The following CLEC16A variants were observed in gnomAD, a reference collection of about 807,000 sequenced individuals.
CLEC16A encodes the protein C-type lectin domain containing 16A.
CLEC16A carries 51 observed loss-of-function variants against 109.5 expected under a neutral mutation model. The ratio of observed to expected loss-of-function variants is 0.47; its 90% CI spans 0.37 to 0.59. The LOEUF is 0.59. CLEC16A is among the 20% of genes least tolerant of loss of function. CLEC16A has a pLI of 0.00. For missense variants in CLEC16A, 1,339 were observed against 1,394.0 expected, an observed-to-expected ratio of 0.96 and a Z score of 0.63; for synonymous variants, 673 against 564.2, an observed-to-expected ratio of 1.19 and a Z score of -2.73.
At chr16:11,059,602 A>G (rs949408199) in intron 18 of CLEC16A, among the ~76,000 whole-genome samples, 2 of 152,112 alleles carry the variant, frequency 1.3e-5, no homozygotes, top group Non-Finnish European at 2.9e-5. Context: ...TGGGAGGCAC[A>G]CTGCTGTATA....
At chr16:10,990,011 T>A (rs1415586716) in intron 10 of CLEC16A, among the ~76,000 whole-genome samples, 1 of 152,174 alleles carries the variant, frequency 6.6e-6, no homozygotes, top group East Asian at 1.9e-4. Context: ...GTACTCATGA[T>A]CCCCCAGCTA....
At chr16:10,982,058 C>T (rs2043350597) in intron 9 of CLEC16A, among the ~76,000 whole-genome samples, 1 of 152,250 alleles carries the variant, frequency 6.6e-6, no homozygotes, top group African/African-American at 2.4e-5. Context: ...CAAATACAAA[C>T]ATGCACACGC....
At chr16:11,121,218 A>G (rs1467387286) in intron 20 of CLEC16A, among the ~76,000 whole-genome samples, 1 of 152,240 alleles carries the variant, frequency 6.6e-6, no homozygotes, top group Non-Finnish European at 1.5e-5. Flanking sequence ...ACATTAGTAC[A>G]CGCAGACTTC....
chr16:11,150,411 G>A (rs2054247601), intron 22 of CLEC16A: 1 of 152,252 alleles, frequency 6.6e-6, no homozygotes, highest in African/African-American at 2.4e-5. Context: ...CGGCTGCATA[G>A]TATTCCAAAG....
At chr16:11,077,847 G>A (rs1486517820) in intron 19 of CLEC16A, among the ~76,000 whole-genome samples, 4 of 151,856 alleles carry the variant, frequency 2.6e-5, no homozygotes, top group African/African-American at 7.3e-5. Context: ...GGCTAGGCGC[G>A]GTGGCTCATG....
At chr16:11,046,311 A>G (rs1033149885) in intron 16 of CLEC16A, among the ~76,000 whole-genome samples, 1 of 152,200 alleles carries the variant, frequency 6.6e-6, no homozygotes, top group Non-Finnish European at 1.5e-5. Context: ...AACATTTATT[A>G]TACCCTAAGT....
At chr16:10,977,763 C>G (rs1369539793) in intron 8 of CLEC16A, among the ~76,000 whole-genome samples, 1 of 152,144 alleles carries the variant, frequency 6.6e-6, no homozygotes, top group East Asian at 1.9e-4. Flanking sequence ...GGTGATACAC[C>G]TGCCTGGGCC....
Position 11,003,215 on chromosome 16 carries a change from G to C in CLEC16A, c.1213G>C (p.Gly405Arg). 1 of 1,613,568 alleles carries C rather than the reference G, an allele frequency of 6.2e-7. No homozygotes were observed. Residue 405 changes from glycine (G) to arginine (R), a missense_variant, in exon 11 of 24, where the codon GGG becomes CGG. This residue lies in a region of CLEC16A where 1,061 missense variants were observed against 1,006.8 expected (regional missense o/e 1.05). Coordinates refer to ENST00000409790, the MANE Select transcript of CLEC16A (RefSeq NM_015226.3). ...TGGGGAAGAAGAAGATGAGGAGAAA[G>C]GGCCCACCGAGGATGCCCAAGAAGA... ...NVGEEEDEEK[G>R]PTEDAQEDAE... is the part of the protein sequence containing the mutation.
In CLEC16A at chr16:11,174,751, G is replaced by A. The variant is rs1293617199; in HGVS notation, c.2807-3584G>A. On this transcript the variant is annotated intron_variant, in intron 23 of 23. Coordinates refer to ENST00000409790, the MANE Select transcript of CLEC16A (RefSeq NM_015226.3). This position sits in a 1 kb window ranked among gnomAD's most constrained non-coding sequence, Gnocchi z 4.7. ...TTTTTTCCTTTCTTCCCCTAGTCTTGATCTAAGATAAGTGGCAAATTCAGT... is the reference window on the plus strand; with the variant it reads ...TTTTTTCCTTTCTTCCCCTAGTCTTAATCTAAGATAAGTGGCAAATTCAGT... Among the ~76,000 whole-genome samples, 1 of 152,216 alleles carries A rather than the reference G, an allele frequency of 6.6e-6. No individual in the cohort carries two copies. The highest frequency in any genetic ancestry group is 1.5e-5 in the Non-Finnish European group (1 of 68,030).
intron 22 of CLEC16A, among the ~76,000 whole-genome samples, chr16:11,130,874 T>C (rs961987821): frequency 2.6e-5 from 4 of 152,256 alleles, no homozygotes; most frequent in Admixed American, 6.5e-5. Flanking sequence ...GTAATTGTCA[T>C]AGAGCAGTTT....
At chr16:11,120,832 AC>A (rs1391492395) in intron 20 of CLEC16A, 66 bp downstream of exon 20, 30 of 1,209,364 alleles carry the variant, frequency 2.5e-5, no homozygotes, top group Non-Finnish European at 3.3e-5. Flanking sequence ...ACACACACAC[AC>A]ACACACCACA....
chr16:11,119,947 T>C (rs1441337038), intron 19 of CLEC16A, among the ~76,000 whole-genome samples: 1 of 122,540 alleles, frequency 8.2e-6, no homozygotes, highest in Non-Finnish European at 1.7e-5. Flanking sequence ...GATTGTTTTG[T>C]TGTTTTGTTT....
At chr16:11,133,087 G>T (rs757779675) in intron 22 of CLEC16A, among the ~76,000 whole-genome samples, 1 of 152,168 alleles carries the variant, frequency 6.6e-6, no homozygotes, top group African/African-American at 2.4e-5. Flanking sequence ...GGCTCCAGCT[G>T]TCTTGTGGTA....
chr16:11,117,191 CAG>C (rs1240345171), intron 19 of CLEC16A, among the ~76,000 whole-genome samples: 5 of 152,078 alleles, frequency 3.3e-5, no homozygotes, highest in East Asian at 1.9e-4. Context: ...AGGGGGGTGA[CAG>C]GGGTTGAAAA....
chr16:10,964,306 G>C (rs1411592226), intron 3 of CLEC16A, among the ~76,000 whole-genome samples: 2 of 152,364 alleles, frequency 1.3e-5, no homozygotes, highest in East Asian at 1.9e-4. Flanking sequence ...ACCAGCGCCT[G>C]TTTCACTGGA....
At chr16:11,116,229 A>C (rs2051979694) in intron 19 of CLEC16A, among the ~76,000 whole-genome samples, 1 of 151,534 alleles carries the variant, frequency 6.6e-6, no homozygotes, top group Non-Finnish European at 1.5e-5. Flanking sequence ...GTCTCTACTA[A>C]AAATAAAAAA....
At chr16:10,964,761 G>A (rs1185699639) in intron 3 of CLEC16A, among the ~76,000 whole-genome samples, 1 of 152,170 alleles carries the variant, frequency 6.6e-6, no homozygotes, top group East Asian at 1.9e-4. Flanking sequence ...TATATTTAAT[G>A]TGTACAACTT....
At position 10,954,320 on chromosome 16, in the gene CLEC16A, C is replaced by T. The variant is rs954042761; in HGVS notation, c.81-3462C>T. Among the ~76,000 whole-genome samples the T allele has an allele frequency of 5.3e-5, 8 of 152,218 alleles. No individual in the cohort carries two copies. The highest frequency in any genetic ancestry group is 1.9e-4 in the African/African-American group (8 of 41,444). ...GAGTCTGTAGGTCACATGAAGCCCT[C>T]GCAGAGAACCAGGCACGTGGGGGCT... On this transcript the variant is annotated intron_variant, in intron 1 of 23. Transcript: ENST00000409790. This position sits in a 1 kb window ranked among gnomAD's most constrained non-coding sequence, Gnocchi z 4.2.
chr16:11,096,718 G>A (rs1383121168), intron 19 of CLEC16A, among the ~76,000 whole-genome samples: 3 of 152,164 alleles, frequency 2.0e-5, no homozygotes, highest in Non-Finnish European at 4.4e-5. Flanking sequence ...CAAGCTGTGT[G>A]TCTCATCAAG....
Sources: gnomAD v4.1 joint callset for allele counts (sites outside exome capture counted in the v4.1 genomes callset) on GRCh38, gnomAD v4.1.1 for gene constraint, gnomAD v4.1.1 regional missense constraint, Gnocchi (gnomAD v3.1) non-coding constraint, MANE v1.5 for transcripts, NCBI Gene and HGNC (gene_info 2026-07-23, HGNC 2026-07-21) for gene names.